The following LYN variants were observed in gnomAD, a reference collection of about 807,000 sequenced individuals.
LYN encodes the protein tyrosine-protein kinase Lyn.
In LYN, 12 loss-of-function variants were observed where a neutral mutation model predicts 65.0. That is an observed-to-expected ratio of 0.18 (90% CI 0.12 to 0.30). The LOEUF (loss-of-function observed/expected upper bound fraction) is 0.30, where lower values mean the gene tolerates loss of function less well. LYN is among the 10% of genes least tolerant of loss of function. The pLI is 1.00. For missense variants in LYN, 380 were observed against 623.2 expected, an observed-to-expected ratio of 0.61 and a Z score of 4.16; for synonymous variants, 222 against 221.2, an observed-to-expected ratio of 1.00 and a Z score of -0.03.
intron 8 of LYN, among the ~76,000 whole-genome samples, chr8:55,964,587 C>G (rs1393111570): frequency 6.6e-6 from 1 of 152,170 alleles, no homozygotes. Context: ...ACATACTTGG[C>G]TGGGCACAGT....
At chr8:56,002,101 C>T (rs1397519092) in intron 12 of LYN, among the ~76,000 whole-genome samples, 2 of 152,090 alleles carry the variant, frequency 1.3e-5, no homozygotes, top group Non-Finnish European at 2.9e-5. Context: ...GCCAACATGG[C>T]AAAACCCCAT....
At chr8:55,977,662 C>A (rs932902071) in intron 10 of LYN, among the ~76,000 whole-genome samples, 1 of 151,514 alleles carries the variant, frequency 6.6e-6, no homozygotes, top group Admixed American at 6.6e-5. Context: ...CCTGTAATCC[C>A]AGCTCTTTGG....
intron 1 of LYN, among the ~76,000 whole-genome samples, chr8:55,922,084 A>T (rs1805961626): frequency 6.6e-6 from 1 of 152,134 alleles, no homozygotes; most frequent in South Asian, 2.1e-4. Flanking sequence ...AAGGGAGATC[A>T]CAGTTTCATT....
intron 1 of LYN, among the ~76,000 whole-genome samples, chr8:55,909,383 G>A (rs1805535043): frequency 6.6e-6 from 1 of 152,112 alleles, no homozygotes; most frequent in African/African-American, 2.4e-5. Context: ...GAGGCTCTGT[G>A]GCGCTGCCAT....
At chr8:55,986,515 G>A (rs1808076920) in intron 10 of LYN, among the ~76,000 whole-genome samples, 1 of 152,114 alleles carries the variant, frequency 6.6e-6, no homozygotes, top group African/African-American at 2.4e-5. Context: ...GACACTTAAT[G>A]ATTTAAATAT....
chr8:56,002,874 A>G (rs1808558656), intron 12 of LYN, among the ~76,000 whole-genome samples: 1 of 152,088 alleles, frequency 6.6e-6, no homozygotes, highest in East Asian at 1.9e-4. Context: ...TTATAAACAT[A>G]ATCAAGCAAT....
In LYN at chr8:55,969,715, A is replaced by G; in HGVS notation, c.974-2A>G. 6.2e-7 allele frequency: 1 copy of G among 1,612,436 alleles called. No individual in the cohort carries two copies. Among genetic ancestry groups the G allele is most frequent in the Non-Finnish European group, 8.5e-7 (1 of 1,178,456 alleles). ...ACTAACTTGTTCTTTCTTTCTCCAT[A>G]GGCAGTTTGCTGGATTTCCTGAAGA... On this transcript the variant is annotated splice_acceptor_variant, in intron 9 of 12. Coordinates refer to ENST00000519728, the MANE Select transcript of LYN (RefSeq NM_002350.4). LOFTEE classifies it high-confidence loss of function.
chr8:55,997,940 C>G (rs573235413), intron 10 of LYN, among the ~76,000 whole-genome samples: 2 of 152,052 alleles, frequency 1.3e-5, no homozygotes, highest in African/African-American at 4.8e-5. Flanking sequence ...AAAAATTAGC[C>G]GGGCATGGTG....
chr8:55,930,287 C>CTGAG (rs1806222799), intron 1 of LYN, among the ~76,000 whole-genome samples: 1 of 152,188 alleles, frequency 6.6e-6, no homozygotes, highest in Non-Finnish European at 1.5e-5. Flanking sequence ...GTGTCTTGAG[C>CTGAG]TGAGTTTCAC....
chr8:55,932,445 G>A (rs1250049267), intron 1 of LYN, among the ~76,000 whole-genome samples: 2 of 151,184 alleles, frequency 1.3e-5, no homozygotes, highest in Non-Finnish European at 2.9e-5. Flanking sequence ...TTTTTTAGAT[G>A]GAGCCTCACT....
intron 1 of LYN, among the ~76,000 whole-genome samples, chr8:55,889,320 TC>T: frequency 6.6e-6 from 1 of 152,306 alleles, no homozygotes; most frequent in Non-Finnish European, 1.5e-5. Flanking sequence ...CAAGCCATCT[TC>T]CCACTTCAGC....
chr8:55,940,063 G>A (rs1806562224), intron 1 of LYN, among the ~76,000 whole-genome samples: 1 of 152,224 alleles, frequency 6.6e-6, no homozygotes, highest in Non-Finnish European at 1.5e-5. Flanking sequence ...AGGCCTGGAC[G>A]CGTGGCAGCG....
chr8:55,947,746 C>T (rs749474188), intron 4 of LYN, 23 bp downstream of exon 4: 27 of 1,521,646 alleles, frequency 1.8e-5, no homozygotes, highest in East Asian at 6.8e-5. Context: ...AAGCACGCCA[C>T]GGCTGCTCGT....
rs565938845 is a variant in LYN at position 56,011,304 on chromosome 8, G to A, written c.*1194G>A. 53 of 224,224 alleles carry A rather than the reference G, an allele frequency of 2.4e-4. No individual in the cohort carries two copies. The highest frequency in any genetic ancestry group is 3.9e-4 in the Non-Finnish European group (44 of 112,594). The allele number at this position is 224,224 out of a possible 1,614,324, so 13.9% of individuals were successfully genotyped here. A position where few individuals can be genotyped will look rare whatever the true frequency, so the allele number is the denominator to read the frequency against. On this transcript the variant is annotated 3_prime_UTR_variant, in exon 13 of 13. Transcript: ENST00000519728. Reference sequence around the variant, plus strand: ...AATGGAAACTTCTGTATCACATGATGTGTTTCACTTATGCTGTTGTGTATA... The same window carrying A: ...AATGGAAACTTCTGTATCACATGATATGTTTCACTTATGCTGTTGTGTATA...
chr8:55,928,395 C>CTTGG (rs1420121289), intron 1 of LYN, among the ~76,000 whole-genome samples: 3 of 152,186 alleles, frequency 2.0e-5, no homozygotes, highest in African/African-American at 7.2e-5. Context: ...ATCCGCCGAC[C>CTTGG]TTGGCCTCCC....
chr8:55,988,830 C>T (rs1038628785), intron 10 of LYN, among the ~76,000 whole-genome samples: 5 of 151,798 alleles, frequency 3.3e-5, no homozygotes, highest in Non-Finnish European at 7.4e-5. Context: ...CCTTTGATCC[C>T]TTTTTTCCCT....
intron 10 of LYN, among the ~76,000 whole-genome samples, chr8:55,989,073 G>A (rs188673214): frequency 3.9e-5 from 6 of 152,306 alleles, no homozygotes; most frequent in East Asian, 1.9e-4. Context: ...GGTAGCAGCC[G>A]GGTATGTGTG....
chr8:55,949,235 C>T (rs931220834), intron 4 of LYN, among the ~76,000 whole-genome samples: 1 of 152,240 alleles, frequency 6.6e-6, no homozygotes, highest in Non-Finnish European at 1.5e-5. Flanking sequence ...ATTCCCTTGA[C>T]TCTCATTTCT....
intron 10 of LYN, among the ~76,000 whole-genome samples, chr8:55,984,174 A>T (rs1808008546): frequency 6.6e-6 from 1 of 151,984 alleles, no homozygotes; most frequent in South Asian, 2.1e-4. Flanking sequence ...TGAGATCCTT[A>T]ATTAAATCTG....
Sources: allele counts gnomAD v4.1 joint callset (sites outside exome capture counted in the v4.1 genomes callset), GRCh38; gene constraint gnomAD v4.1.1; transcripts MANE v1.5; gene names NCBI Gene and HGNC (gene_info 2026-07-23, HGNC 2026-07-21).